Variants in CIT observed in about 807,000 individuals in gnomAD.
CIT encodes the protein citron Rho-interacting kinase.
CIT carries 79 observed loss-of-function variants against 272.7 expected under a neutral mutation model. The ratio of observed to expected loss-of-function variants is 0.29; its 90% CI spans 0.24 to 0.35. The LOEUF is 0.35. Ranked by LOEUF, CIT falls within the 10% of genes least tolerant of loss-of-function variation. The pLI is 1.00. For synonymous variants in CIT, 948 were observed against 995.6 expected (o/e 0.95, Z 0.90); for missense variants, 1,909 against 2,618.3 (o/e 0.73, Z 5.91).
intron 3 of CIT, among the ~76,000 whole-genome samples, chr12:119,861,966 A>AG (rs1950351416): frequency 6.6e-6 from 1 of 151,986 alleles, no homozygotes; most frequent in Admixed American, 6.6e-5. Flanking sequence ...CCTTACAGAC[A>AG]GGGAGTTTTC....
intron 3 of CIT, among the ~76,000 whole-genome samples, chr12:119,862,286 C>T (rs370688570): frequency 2.0e-5 from 3 of 152,244 alleles, no homozygotes; most frequent in South Asian, 4.1e-4. Flanking sequence ...TGAGCCACTA[C>T]ACCTGGCCAC....
chr12:119,838,780 A>G (rs990713466), intron 5 of CIT, among the ~76,000 whole-genome samples: 1 of 152,222 alleles, frequency 6.6e-6, no homozygotes, highest in African/African-American at 2.4e-5. Flanking sequence ...TAACCAGTCC[A>G]TCAGCACTGA....
At chr12:119,703,217 C>T (rs1956687531) in intron 41 of CIT, among the ~76,000 whole-genome samples, 1 of 152,118 alleles carries the variant, frequency 6.6e-6, no homozygotes, top group African/African-American at 2.4e-5. Flanking sequence ...TTTCTGCCAG[C>T]CTCAGTTGTC....
chr12:119,872,078 CATG>C (rs542301309), intron 2 of CIT, among the ~76,000 whole-genome samples: 75 of 152,302 alleles, frequency 4.9e-4, no homozygotes, highest in Non-Finnish European at 8.8e-4. Flanking sequence ...ATGAACACCA[CATG>C]ATATCTTTTT....
At chr12:119,774,973 A>G (rs1963595209) in intron 16 of CIT, among the ~76,000 whole-genome samples, 1 of 150,672 alleles carries the variant, frequency 6.6e-6, no homozygotes, top group East Asian at 2.0e-4. Flanking sequence ...ACCCTGTCTC[A>G]AAAAAGTTAA....
intron 23 of CIT, among the ~76,000 whole-genome samples, chr12:119,744,723 A>G (rs1489714417): frequency 6.6e-6 from 1 of 150,834 alleles, no homozygotes; most frequent in Non-Finnish European, 1.5e-5. Flanking sequence ...TCAAAAAAAA[A>G]AAAAAAAAAA....
chr12:119,766,877 A>T (rs1020289075), intron 19 of CIT, among the ~76,000 whole-genome samples: 12 of 139,408 alleles, frequency 8.6e-5, no homozygotes, highest in African/African-American at 5.5e-5. Flanking sequence ...GACCACATTT[A>T]AAAAAAAAAA....
rs1217381420 is a variant in CIT at position 119,784,671 on chromosome 12, C to G, written c.1401+289G>C. On this transcript the variant is annotated intron_variant, in intron 11 of 47. Transcript: ENST00000392521. This position sits in a 1 kb window ranked among gnomAD's most constrained non-coding sequence, Gnocchi z 4.7. ...ATGTATCTCAGCCACAGGTGAGGAC[C>G]CAGGCCACCTGCCGGAAGAAGCAGA... 7.8e-7 allele frequency: 1 copy of G among 1,284,528 alleles called. No individual in the cohort carries two copies. Among genetic ancestry groups the G allele is most frequent in the African/African-American group, 1.5e-5 (1 of 66,326 alleles). The allele number at this position is 1,284,528 out of a possible 1,614,324, so 79.6% of individuals were successfully genotyped here.
chr12:119,729,827 AT>A (rs1445610244), intron 27 of CIT, among the ~76,000 whole-genome samples: 2 of 152,246 alleles, frequency 1.3e-5, no homozygotes, highest in East Asian at 3.8e-4. Flanking sequence ...GTGTATGTGC[AT>A]GAAAAAGAGT....
chr12:119,802,682 G>A (rs1353906589), intron 10 of CIT, among the ~76,000 whole-genome samples: 1 of 152,102 alleles, frequency 6.6e-6, no homozygotes, highest in Non-Finnish European at 1.5e-5. Flanking sequence ...GAGAGGAGCC[G>A]AGCACCATCT....
chr12:119,766,909 C>A (rs1962518873), intron 19 of CIT, among the ~76,000 whole-genome samples, 178 bp downstream of exon 19: 1 of 148,490 alleles, frequency 6.7e-6, no homozygotes, highest in African/African-American at 2.5e-5. Context: ...TTTGGAACTT[C>A]AGATTTCCAA....
chr12:119,703,422 T>TTTTTTTTTAC (rs1491241962), intron 41 of CIT, among the ~76,000 whole-genome samples: 1 of 61,844 alleles, frequency 1.6e-5, no homozygotes, highest in Non-Finnish European at 3.4e-5. Flanking sequence ...TTCATTTCAC[T>TTTTTTTTTAC]TTTTTTTTTT....
In CIT at chr12:119,712,190, T is replaced by C. The variant is rs1205691513; in HGVS notation, c.4842A>G (p.Ala1614=). The C allele has an allele frequency of 3.1e-6, 5 of 1,601,004 alleles. No homozygotes were observed. Among genetic ancestry groups the C allele is most frequent in the Non-Finnish European group, 3.4e-6 (4 of 1,173,080 alleles). ...CTTTCATACTCACAGCATCAGCTTC[T>C]GCTTTTTCCCTAGAAACTCTCCCAC... ...VAGGRVSREK[A]EADAKLLGNS... is the part of the protein sequence containing the mutation. The change falls in exon 37 of 48, where the codon GCA becomes GCG. Residue 1614 remains alanine (A), a synonymous_variant. Transcript: ENST00000392521. The surrounding 1 kb of genome is among the most constrained non-coding windows in gnomAD (Gnocchi z 5.2).
rs1957140919 is a variant in CIT, at chr12:119,711,158, C to A, written c.4855-538G>T. On this transcript the variant is annotated intron_variant, in intron 37 of 47. Coordinates refer to ENST00000392521, the MANE Select transcript of CIT (RefSeq NM_001206999.2). ...ACGTGTGAAACGACCAACAAGTCAT[C>A]CAAACAGGTCTAACCACTGAGTAAA... 3 of 1,287,416 alleles carry A rather than the reference C, an allele frequency of 2.3e-6. No individual in the cohort carries two copies. The South Asian group carries it at 3.5e-5, about 15-fold the overall frequency. 79.7% of individuals were successfully genotyped at this position (1,287,416 alleles called of 1,614,324 possible).
intron 7 of CIT, among the ~76,000 whole-genome samples, chr12:119,829,022 T>C (rs1968394422): frequency 6.6e-6 from 1 of 151,646 alleles, no homozygotes; most frequent in African/African-American, 2.4e-5. Flanking sequence ...GGGGAAGAAC[T>C]GAAAGAGGGA....
chr12:119,784,829 G>C lies in CIT; in HGVS notation c.1401+131C>G. ...GAGCTGCTGGAGGCGCGACTTCAGC[G>C]AAGGCAGGAGCGCCTCACTCTCTAC... On this transcript the variant is annotated intron_variant, in intron 11 of 47. Transcript: ENST00000392521. This position sits in a 1 kb window ranked among gnomAD's most constrained non-coding sequence, Gnocchi z 4.7. 1.4e-6 allele frequency: 2 copies of C among 1,449,382 alleles called. No individual in the cohort carries two copies. The highest frequency in any genetic ancestry group is 1.5e-5 in the South Asian group (1 of 65,984). The allele number at this position is 1,449,382 out of a possible 1,614,324, so 89.8% of individuals were successfully genotyped here.
intron 10 of CIT, among the ~76,000 whole-genome samples, chr12:119,790,938 G>A (rs1211807401): frequency 6.6e-6 from 1 of 152,174 alleles, no homozygotes; most frequent in Non-Finnish European, 1.5e-5. Context: ...TTGTCATCAG[G>A]ACAAGTGCTC....
Position 119,704,386 on chromosome 12 carries a change from G to A in CIT, c.5281C>T (p.Leu1761Phe). 2 of 1,614,002 alleles carry A rather than the reference G, an allele frequency of 1.2e-6. No individual in the cohort carries two copies. Among genetic ancestry groups the A allele is most frequent in the Non-Finnish European group, 1.7e-6 (2 of 1,179,868 alleles). ...KVVILRYNEN[L>F]SKYCIRKEIE... The stretch of plus-strand genomic sequence containing the variant: ...ACTTTCCGGATGCAGTATTTGCTGA[G>A]GTTTTCGTTGTAGCGGAGAATGACG... Residue 1761 changes from leucine to phenylalanine, a missense_variant, in exon 41 of 48, where the codon CTC becomes TTC. Around this residue, in one of 8 missense-constraint regions of CIT, gnomAD observed 780 missense variants for 1,067.2 expected, o/e 0.73. Transcript: ENST00000392521.
rs766747485 is a variant in CIT at position 119,734,330 on chromosome 12, T to C, written c.3184A>G (p.Thr1062Ala). Residue 1062 changes from threonine to alanine, a missense_variant, in exon 26 of 48, where the codon ACC becomes GCC. Transcript: ENST00000392521. ...QTMEALKTTCTMLEEQVMDLE... is the reference protein window; with the variant it reads ...QTMEALKTTCAMLEEQVMDLE... The stretch of plus-strand genomic sequence containing the variant: ...TCCATGACCTGTTCCTCCAGCATGG[T>C]GCACGTGGTCTTCAGAGCCTCCATC... The C allele has an allele frequency of 3.1e-6, 5 of 1,613,716 alleles. No individual in the cohort carries two copies. Among genetic ancestry groups the C allele is most frequent in the Non-Finnish European group, 2.5e-6 (3 of 1,180,028 alleles).
Sources: gnomAD v4.1 joint callset for allele counts (sites outside exome capture counted in the v4.1 genomes callset) on GRCh38, gnomAD v4.1.1 for gene constraint, gnomAD v4.1.1 regional missense constraint, Gnocchi (gnomAD v3.1) non-coding constraint, MANE v1.5 for transcripts, NCBI Gene and HGNC (gene_info 2026-07-23, HGNC 2026-07-21) for gene names.